Variants in SPECC1L observed in about 807,000 individuals in gnomAD.
The protein encoded by SPECC1L is cytospin-A.
In SPECC1L, 40 loss-of-function variants were observed where a neutral mutation model predicts 116.8. That is an observed-to-expected ratio of 0.34 (90% CI 0.27 to 0.45). The LOEUF (loss-of-function observed/expected upper bound fraction) is 0.45. SPECC1L is among the 20% of genes least tolerant of loss of function. The pLI is 1.00. For missense variants in SPECC1L, 1,110 were observed against 1,373.6 expected (o/e 0.81, Z 3.03); for synonymous variants, 504 against 500.6 (o/e 1.01, Z -0.09).
intron 10 of SPECC1L, among the ~76,000 whole-genome samples, chr22:24,346,772 A>G (rs75298204): frequency 0.04 from 6,085 of 152,274 alleles, 404 homozygotes; most frequent in African/African-American, 0.14. Context: ...GCTAATGTCA[A>G]AATCCTGCTG....
chr22:24,395,131 A>G lies in SPECC1L; in HGVS notation c.3088-16457A>G, dbSNP rs138123854. ...GCATGAGCCACAGCGCCTGGCCAGA[A>G]ATTCTTAATTTTAATAACATGCAAT... On this transcript the variant is annotated intron_variant, in intron 14 of 16. Transcript: ENST00000314328. Among the ~76,000 whole-genome samples, 7 of 152,282 alleles carry G rather than the reference A, an allele frequency of 4.6e-5. No homozygotes were observed. The East Asian group carries it at 9.6e-4, about 21-fold the overall frequency.
intron 9 of SPECC1L, among the ~76,000 whole-genome samples, chr22:24,336,568 A>G (rs2041063000): frequency 6.6e-6 from 1 of 152,170 alleles, no homozygotes; most frequent in African/African-American, 2.4e-5. Context: ...CAACAGAGCA[A>G]GACTCTGTCT....
intron 4 of SPECC1L, among the ~76,000 whole-genome samples, chr22:24,317,021 TGGCCGGGCGGGG>T (rs1160359754): frequency 2.6e-5 from 3 of 115,126 alleles, no homozygotes; most frequent in Admixed American, 8.9e-5. Context: ...ACGGGGCGGC[TGGCCGGGCGGGG>T]GGCTGACCCC....
chr22:24,375,654 C>T (rs1211990195), intron 14 of SPECC1L, among the ~76,000 whole-genome samples: 1 of 152,106 alleles, frequency 6.6e-6, no homozygotes, highest in Non-Finnish European at 1.5e-5. Flanking sequence ...ATAAAGGGTA[C>T]CTATGAAAAC....
chr22:24,302,114 T>C (rs966719868), intron 2 of SPECC1L, 81 bp from the exon 3 acceptor site: 17 of 1,094,072 alleles, frequency 1.6e-5, no homozygotes, highest in Non-Finnish European at 2.2e-5. Flanking sequence ...TTTTATCACA[T>C]GGTAAAATTC....
intron 3 of SPECC1L, among the ~76,000 whole-genome samples, chr22:24,307,246 G>T (rs2049518328): frequency 6.6e-6 from 1 of 152,234 alleles, no homozygotes; most frequent in Non-Finnish European, 1.5e-5. Flanking sequence ...CTCGCTGCTA[G>T]CAGCTACACC....
intron 8 of SPECC1L, among the ~76,000 whole-genome samples, chr22:24,332,079 A>ACTC (rs2040950081): frequency 6.6e-6 from 1 of 152,172 alleles, no homozygotes; most frequent in South Asian, 2.1e-4. Context: ...TTTACTTGAG[A>ACTC]ATGACAGACA....
chr22:24,338,545 A>C (rs1464247333), intron 10 of SPECC1L, 68 bp downstream of exon 10: 2 of 1,368,672 alleles, frequency 1.5e-6, no homozygotes. Flanking sequence ...TTTTCTTCAC[A>C]GTCATTTACA....
chr22:24,417,168 G>T lies in SPECC1L; in HGVS notation c.*2545G>T, dbSNP rs190234689. The T allele has an allele frequency of 6.6e-6, 1 of 152,542 alleles. No individual in the cohort carries two copies. The highest frequency in any genetic ancestry group is 1.5e-5 in the Non-Finnish European group (1 of 68,038). The allele number at this position is 152,542 out of a possible 1,614,324, so 9.4% of individuals were successfully genotyped here. ...GGCCAGTCGCGTTTCTATTTCTCTC[G>T]ATCCCAGGCTTCTGCGGACCGACGA... On this transcript the variant is annotated 3_prime_UTR_variant, in exon 17 of 17. Coordinates refer to ENST00000314328, the MANE Select transcript of SPECC1L (RefSeq NM_015330.6).
intron 11 of SPECC1L, among the ~76,000 whole-genome samples, chr22:24,352,062 A>C (rs2146582729): frequency 6.6e-6 from 1 of 151,998 alleles, no homozygotes; most frequent in South Asian, 2.1e-4. Context: ...AGCATCATGC[A>C]CTTGCAGGAA....
intron 2 of SPECC1L, among the ~76,000 whole-genome samples, chr22:24,289,036 C>G (rs1261565165): frequency 6.6e-6 from 1 of 152,090 alleles, no homozygotes; most frequent in Admixed American, 6.5e-5. Flanking sequence ...TATAAATGTA[C>G]AAATAGATTG....
intron 13 of SPECC1L, among the ~76,000 whole-genome samples, chr22:24,368,433 C>T (rs893684629): frequency 6.6e-6 from 1 of 152,170 alleles, no homozygotes; most frequent in Non-Finnish European, 1.5e-5. Flanking sequence ...CAGTGTACAA[C>T]ATAGAACTAA....
chr22:24,388,079 T>TA (rs2042193646), intron 14 of SPECC1L, among the ~76,000 whole-genome samples: 1 of 152,026 alleles, frequency 6.6e-6, no homozygotes, highest in Non-Finnish European at 1.5e-5. Context: ...AAAATTCTTT[T>TA]TTTATTATTA....
intron 9 of SPECC1L, among the ~76,000 whole-genome samples, chr22:24,338,074 T>TTTA: frequency 6.6e-6 from 1 of 152,222 alleles, no homozygotes; most frequent in Non-Finnish European, 1.5e-5. Context: ...GTTTTACTAC[T>TTTA]TGAATTTCAT....
At chr22:24,383,266 A>T (rs2042095449) in intron 14 of SPECC1L, among the ~76,000 whole-genome samples, 1 of 152,244 alleles carries the variant, frequency 6.6e-6, no homozygotes, top group Non-Finnish European at 1.5e-5. Context: ...GAAACATAGT[A>T]TCCTGCATTC....
intron 1 of SPECC1L, among the ~76,000 whole-genome samples, chr22:24,274,878 T>C (rs1054016963): frequency 9.5e-4 from 143 of 151,174 alleles, no homozygotes; most frequent in African/African-American, 2.8e-3. Context: ...TGAGCTGCAC[T>C]GAACAGCTCT....
chr22:24,363,236 T>C, intron 11 of SPECC1L, 25 bp from the exon 12 acceptor site: 2 of 1,600,736 alleles, frequency 1.2e-6, no homozygotes, highest in South Asian at 1.1e-5. Flanking sequence ...GATTTCTTTA[T>C]TGGGATTCTT....
intron 14 of SPECC1L, among the ~76,000 whole-genome samples, chr22:24,401,690 A>G (rs993924537): frequency 3.3e-5 from 5 of 152,162 alleles, no homozygotes; most frequent in African/African-American, 7.2e-5. Flanking sequence ...AAACTCACCG[A>G]TGTCACATTT....
intron 1 of SPECC1L, among the ~76,000 whole-genome samples, chr22:24,272,317 T>A (rs1358141961): frequency 6.6e-6 from 1 of 151,728 alleles, no homozygotes; most frequent in South Asian, 2.1e-4. Flanking sequence ...GTGAGCCGAG[T>A]TCGCGCCACT....
Sources: allele counts gnomAD v4.1 joint callset (sites outside exome capture counted in the v4.1 genomes callset), GRCh38; gene constraint gnomAD v4.1.1; transcripts MANE v1.5; gene names NCBI Gene and HGNC (gene_info 2026-07-23, HGNC 2026-07-21).